NBEA: variants seen among roughly 807,000 people sequenced by gnomAD.
The protein encoded by NBEA is lysosomal-trafficking regulator 2.
NBEA carries 44 observed loss-of-function variants against 343.4 expected under a neutral mutation model. That is an observed-to-expected ratio of 0.13 (90% CI 0.10 to 0.16). NBEA has a LOEUF of 0.16. Ranked by LOEUF, NBEA falls within the 10% of genes least tolerant of loss-of-function variation. The probability of loss-of-function intolerance (pLI) is 1.00; values close to 1 mark genes in which losing one functional copy is unlikely to be tolerated. For missense variants in NBEA, 2,555 were observed against 3,631.3 expected, an observed-to-expected ratio of 0.70 and a Z score of 7.62; for synonymous variants, 1,175 against 1,238.7, an observed-to-expected ratio of 0.95 and a Z score of 1.08.
rs748382732 is a variant in NBEA, at chr13:35,070,036, C to T, written c.1368C>T (p.Leu456=). The change falls in exon 9 of 59, where the codon CTC becomes CTT. Residue 456 remains leucine, a synonymous_variant. Transcript: ENST00000379939. ...ATGCTAAGGCCACTGATGCTCAGCTCTGCCTGGAATCATCACCAAAAGAGA... is the reference window on the plus strand; with the variant it reads ...ATGCTAAGGCCACTGATGCTCAGCTTTGCCTGGAATCATCACCAAAAGAGA... ...TYNAKATDAQ[L]CLESSPKENA... is the part of the protein sequence containing the mutation. 1.2e-6 allele frequency: 2 copies of T among 1,606,380 alleles called. No homozygotes were observed. The highest frequency in any genetic ancestry group is 2.7e-5 in the African/African-American group (2 of 74,690).
intron 1 of NBEA, among the ~76,000 whole-genome samples, chr13:35,025,068 T>C (rs1320886291): frequency 6.6e-6 from 1 of 152,200 alleles, no homozygotes; most frequent in East Asian, 1.9e-4. Flanking sequence ...AGATTCTAGA[T>C]ATTAGACTTT....
At chr13:35,610,123 A>C (rs2082441941) in intron 48 of NBEA, among the ~76,000 whole-genome samples, 1 of 152,196 alleles carries the variant, frequency 6.6e-6, no homozygotes, top group Non-Finnish European at 1.5e-5. Flanking sequence ...CTCTGCTCAT[A>C]GCTCACACTG....
intron 33 of NBEA, among the ~76,000 whole-genome samples, chr13:35,223,854 C>A (rs569019666): frequency 1.3e-5 from 2 of 152,278 alleles, no homozygotes; most frequent in Admixed American, 6.5e-5. Flanking sequence ...TCAGGTCACA[C>A]TGGGCTAAAA....
At chr13:35,520,005 G>A (rs1235083679) in intron 41 of NBEA, among the ~76,000 whole-genome samples, 2 of 152,124 alleles carry the variant, frequency 1.3e-5, no homozygotes, top group Non-Finnish European at 2.9e-5. Context: ...CACCAGGGAT[G>A]GGTTTCATGG....
intron 35 of NBEA, among the ~76,000 whole-genome samples, chr13:35,303,771 A>G (rs927807834): frequency 1.3e-5 from 2 of 152,048 alleles, no homozygotes; most frequent in African/African-American, 2.4e-5. Context: ...AAGTCTCTTC[A>G]TCATAAAAAC....
intron 8 of NBEA, among the ~76,000 whole-genome samples, chr13:35,064,496 T>C (rs140208765): frequency 0.039 from 5,861 of 152,202 alleles, 366 homozygotes; most frequent in African/African-American, 0.13. Context: ...CCAATTGTTA[T>C]AATTACTGAA....
At chr13:34,983,199 G>T (rs986800095) in intron 1 of NBEA, among the ~76,000 whole-genome samples, 2 of 152,092 alleles carry the variant, frequency 1.3e-5, no homozygotes, top group African/African-American at 4.8e-5. Context: ...AGGCCCCAGG[G>T]TGTGATGTTC....
chr13:35,495,033 A>G (rs9574030), intron 41 of NBEA, among the ~76,000 whole-genome samples: 24,692 of 151,758 alleles, frequency 0.16, 2,321 homozygotes, highest in East Asian at 0.43. Context: ...GAAAAGAAAA[A>G]AAAATCAGAG....
chr13:35,231,510 A>G (rs2074972772), intron 33 of NBEA, among the ~76,000 whole-genome samples: 1 of 152,006 alleles, frequency 6.6e-6, no homozygotes, highest in African/African-American at 2.4e-5. Context: ...AAGAATGTGT[A>G]CTCATCTAAT....
At chr13:35,044,128 G>A in intron 2 of NBEA, among the ~76,000 whole-genome samples, 1 of 152,110 alleles carries the variant, frequency 6.6e-6, no homozygotes, top group East Asian at 1.9e-4. Context: ...TCTGTTATAT[G>A]CACATAAACA....
intron 31 of NBEA, among the ~76,000 whole-genome samples, chr13:35,207,579 T>C (rs1245515358): frequency 6.6e-6 from 1 of 152,158 alleles, no homozygotes; most frequent in African/African-American, 2.4e-5. Flanking sequence ...AGAAGTAGTT[T>C]CTTTATACAT....
At chr13:35,606,258 C>A (rs1310551433) in intron 47 of NBEA, among the ~76,000 whole-genome samples, 168 bp from the exon 48 acceptor site, 3 of 152,054 alleles carry the variant, frequency 2.0e-5, no homozygotes, top group Non-Finnish European at 4.4e-5. Flanking sequence ...TGCTTCATCT[C>A]AGATCTTTAA....
chr13:35,378,854 T>G (rs1854904476), intron 38 of NBEA, among the ~76,000 whole-genome samples: 1 of 152,060 alleles, frequency 6.6e-6, no homozygotes, highest in Admixed American at 6.6e-5. Flanking sequence ...AGCATTTATT[T>G]ATTTTGTTTA....
At chr13:35,308,514 G>GTA (rs1566597467) in intron 35 of NBEA, among the ~76,000 whole-genome samples, 7 of 111,568 alleles carry the variant, frequency 6.3e-5, no homozygotes, top group African/African-American at 1.1e-4. Context: ...ATATATATGT[G>GTA]TATATATGTA....
At chr13:35,591,865 T>G (rs1443106361) in intron 46 of NBEA, among the ~76,000 whole-genome samples, 1 of 152,042 alleles carries the variant, frequency 6.6e-6, no homozygotes, top group African/African-American at 2.4e-5. Context: ...TAAAATATTT[T>G]GGAAAATGTC....
chr13:35,622,174 A>G (rs2083023475), intron 48 of NBEA, among the ~76,000 whole-genome samples: 1 of 152,210 alleles, frequency 6.6e-6, no homozygotes, highest in Non-Finnish European at 1.5e-5. Flanking sequence ...AGAGAAAGAA[A>G]GCAAAAGCTC....
At chr13:35,597,751 T>C (rs927889444) in intron 47 of NBEA, among the ~76,000 whole-genome samples, 14 of 152,158 alleles carry the variant, frequency 9.2e-5, no homozygotes, top group Non-Finnish European at 1.6e-4. Flanking sequence ...ATTTTAAGAA[T>C]GGGAGCTGCA....
At chr13:35,155,132 T>TAAAAAAA (rs753159286) in intron 18 of NBEA, among the ~76,000 whole-genome samples, 1 of 61,864 alleles carries the variant, frequency 1.6e-5, no homozygotes, top group African/African-American at 6.4e-5. Context: ...ATTCTGTCTC[T>TAAAAAAA]AAAAAAAAAA....
intron 34 of NBEA, among the ~76,000 whole-genome samples, chr13:35,284,017 A>ACACACACAC (rs1566565257): frequency 4.9e-5 from 7 of 142,094 alleles, no homozygotes; most frequent in Admixed American, 1.4e-4. Context: ...CACACACACC[A>ACACACACAC]CACAGATGCA....
Sources: allele counts gnomAD v4.1 joint callset (sites outside exome capture counted in the v4.1 genomes callset), GRCh38; gene constraint gnomAD v4.1.1; transcripts MANE v1.5; gene names NCBI Gene and HGNC (gene_info 2026-07-23, HGNC 2026-07-21).